The following MTA3 variants were observed in gnomAD, a reference collection of about 807,000 sequenced individuals.
The protein encoded by MTA3 is metastasis associated 1 family member 3.
In MTA3, 34 loss-of-function variants were observed where a neutral mutation model predicts 83.5. The ratio of observed to expected loss-of-function variants is 0.41; its 90% CI spans 0.31 to 0.54. The LOEUF (loss-of-function observed/expected upper bound fraction) is 0.54. MTA3 is among the 20% of genes least tolerant of loss of function. The probability of loss-of-function intolerance (pLI) is 0.33; values close to 1 mark genes in which losing one functional copy is unlikely to be tolerated. For synonymous variants in MTA3, 303 were observed against 252.7 expected (o/e 1.20, Z -1.89); for missense variants, 761 against 726.4 (o/e 1.05, Z -0.55).
intron 2 of MTA3, among the ~76,000 whole-genome samples, chr2:42,556,111 A>G (rs1003749879): frequency 1.3e-5 from 2 of 152,014 alleles, no homozygotes; most frequent in Non-Finnish European, 2.9e-5. Flanking sequence ...AAACAAACAA[A>G]AAAAGAGAGA....
rs1480986393 is a variant in MTA3, at chr2:42,509,125, C to T, written c.-141+13871C>T. The stretch of plus-strand genomic sequence containing the variant: ...TGGCGTGATCTTGGCTCACTGCAAC[C>T]TCCACCTCCCAGGTTCAAGCGATTC... On this transcript the variant is annotated intron_variant, in intron 2 of 17. Coordinates refer to the MTA3 transcript ENST00000405592. Among the ~76,000 whole-genome samples the T allele has an allele frequency of 2.0e-5, 3 of 151,960 alleles. No homozygotes were observed. In the South Asian group the frequency reaches 6.2e-4, roughly 32 times the overall value.
At position 42,527,414 on chromosome 2, in the gene MTA3, G is replaced by T. The variant is rs139526311; in HGVS notation, c.-141+32160G>T. Reference sequence around the variant, plus strand: ...CACACCTTCTTTTATAGTGAAGGCCGCATCTCTGAGGTTTGCAAACTGTCC... The same window carrying T: ...CACACCTTCTTTTATAGTGAAGGCCTCATCTCTGAGGTTTGCAAACTGTCC... On this transcript the variant is annotated intron_variant, in intron 2 of 17. Coordinates refer to the MTA3 transcript ENST00000405592. Among the ~76,000 whole-genome samples the T allele has an allele frequency of 6.2e-4, 94 of 152,266 alleles. 2 individuals carry two copies. In the East Asian group the frequency reaches 0.01, roughly 17 times the overall value.
At chr2:42,711,598 G>A (rs987796908) in intron 14 of MTA3, among the ~76,000 whole-genome samples, 6 of 152,036 alleles carry the variant, frequency 3.9e-5, no homozygotes, top group African/African-American at 1.4e-4. Flanking sequence ...TTTCAGACAA[G>A]CAATGAACTT....
At chr2:42,707,790 A>C in intron 12 of MTA3, 113 bp from the exon 13 acceptor site, 1 of 1,199,778 alleles carries the variant, frequency 8.3e-7, no homozygotes, top group Non-Finnish European at 1.1e-6. Flanking sequence ...AGCTGGGAAC[A>C]ATAACATTGT....
chr2:42,750,265 A>T (rs1669773188), intron 16 of MTA3, among the ~76,000 whole-genome samples: 1 of 152,216 alleles, frequency 6.6e-6, no homozygotes, highest in African/African-American at 2.4e-5. Context: ...CTGGAATTAC[A>T]GGTGTGAGCC....
At chr2:42,692,440 T>A (rs1192462983) in intron 9 of MTA3, among the ~76,000 whole-genome samples, 1 of 151,916 alleles carries the variant, frequency 6.6e-6, no homozygotes, top group African/African-American at 2.4e-5. Context: ...TTTTTTTTCT[T>A]TTGAGACAGA....
intron 8 of MTA3, among the ~76,000 whole-genome samples, chr2:42,664,969 G>A (rs371175088): frequency 6.6e-6 from 1 of 152,180 alleles, no homozygotes; most frequent in South Asian, 2.1e-4. Flanking sequence ...TATGAATATA[G>A]TTGAGCTGTG....
chr2:42,703,493 AGT>A (rs1242942935), intron 11 of MTA3: 1 of 152,260 alleles, frequency 6.6e-6, no homozygotes, highest in East Asian at 1.9e-4. Flanking sequence ...GGAACTGAAG[AGT>A]GGCTTTCTCG....
intron 2 of MTA3, among the ~76,000 whole-genome samples, chr2:42,527,909 G>C (rs1675791901): frequency 6.6e-6 from 1 of 150,970 alleles, no homozygotes; most frequent in South Asian, 2.1e-4. Flanking sequence ...ATCTCTCCTT[G>C]GTCTTATGAC....
chr2:42,743,483 C>T (rs1168734680), intron 16 of MTA3, among the ~76,000 whole-genome samples: 1 of 152,196 alleles, frequency 6.6e-6, no homozygotes, highest in Non-Finnish European at 1.5e-5. Context: ...GTCAGGGCAT[C>T]TGAGCCAGGG....
At position 42,722,963 on chromosome 2, in the gene MTA3, C is replaced by T. The variant is rs991597243; in HGVS notation, c.1687C>T (p.Leu563=). The T allele has an allele frequency of 6.4e-7, 1 of 1,551,176 alleles. No homozygotes were observed. The highest frequency in any genetic ancestry group is 1.2e-5 in the South Asian group (1 of 84,052). ...SLQTPTTKRM[L]TTPNHTSLSI... ...GCAAACCCCAACTACCAAGCGGATG[C>T]TAACAACTCCAAATCACACATCTCT... Residue 563 remains leucine (L), a synonymous_variant, in exon 16 of 17, where the codon CTA becomes TTA. Coordinates refer to ENST00000405094, the MANE Select transcript of MTA3 (RefSeq NM_001330442.2).
chr2:42,535,085 A>G (rs1433691024), intron 2 of MTA3, among the ~76,000 whole-genome samples: 1 of 152,004 alleles, frequency 6.6e-6, no homozygotes, highest in Non-Finnish European at 1.5e-5. Flanking sequence ...GAGAAAGGGC[A>G]AGGAATAAGA....
chr2:42,638,867 GAA>G (rs1687436648), intron 4 of MTA3, among the ~76,000 whole-genome samples: 1 of 143,614 alleles, frequency 7.0e-6, no homozygotes, highest in African/African-American at 2.6e-5. Context: ...GTGATCACCA[GAA>G]AAAGACATTT....
chr2:42,643,404 T>C (rs1296041379), intron 5 of MTA3, among the ~76,000 whole-genome samples: 2 of 152,192 alleles, frequency 1.3e-5, no homozygotes, highest in Non-Finnish European at 2.9e-5. Context: ...AGCAAAGGAC[T>C]GGTGCCAGGT....
At chr2:42,640,708 TAAC>T (rs1687620674) in intron 5 of MTA3, among the ~76,000 whole-genome samples, 1 of 152,242 alleles carries the variant, frequency 6.6e-6, no homozygotes, top group Admixed American at 6.5e-5. Context: ...GAAATGTAGT[TAAC>T]AAGTTGAGAT....
At chr2:42,502,961 C>CA (rs200560658) in intron 2 of MTA3, among the ~76,000 whole-genome samples, 30 of 133,336 alleles carry the variant, frequency 2.2e-4, no homozygotes, top group Admixed American at 4.6e-4. Flanking sequence ...GACTCTGTCT[C>CA]AAAAAAAAAA....
chr2:42,532,010 C>T (rs1676002527), intron 2 of MTA3, among the ~76,000 whole-genome samples: 1 of 152,188 alleles, frequency 6.6e-6, no homozygotes, highest in Non-Finnish European at 1.5e-5. Context: ...CCCACCTCGG[C>T]CTCCCAAAGT....
intron 4 of MTA3, among the ~76,000 whole-genome samples, chr2:42,619,615 C>A (rs1467777046): frequency 1.3e-5 from 2 of 151,944 alleles, no homozygotes; most frequent in African/African-American, 4.8e-5. Flanking sequence ...CAATGTAGTT[C>A]CAAATAAAAT....
intron 2 of MTA3, among the ~76,000 whole-genome samples, chr2:42,515,157 C>T (rs1572905744): frequency 6.6e-6 from 1 of 152,154 alleles, no homozygotes; most frequent in African/African-American, 2.4e-5. Context: ...CTCCCGGGTT[C>T]AAGCAATTCT....
Sources: allele counts gnomAD v4.1 joint callset (sites outside exome capture counted in the v4.1 genomes callset), GRCh38; gene constraint gnomAD v4.1.1; transcripts MANE v1.5; gene names NCBI Gene and HGNC (gene_info 2026-07-23, HGNC 2026-07-21).